Variants in PRPH2 observed in about 807,000 individuals in gnomAD.
PRPH2 encodes the protein peripherin 2.
Under a neutral mutation model 31.3 loss-of-function variants are expected in PRPH2, and 17 were observed. The observed-to-expected ratio is 0.54, with a 90% CI of 0.37 to 0.81. PRPH2 has a LOEUF of 0.81. PRPH2 is among the 40% of genes least tolerant of loss of function. The pLI, the probability that PRPH2 is intolerant of heterozygous loss-of-function variation, is 0.00. For synonymous variants in PRPH2, 165 were observed against 184.4 expected, an observed-to-expected ratio of 0.89 and a Z score of 0.85; for missense variants, 430 against 439.7, an observed-to-expected ratio of 0.98 and a Z score of 0.20.
chr6:42,722,490 CCTGGGATCCCCGTGAA>C lies in PRPH2; in HGVS notation c.-172_-157del. 6.6e-7 allele frequency: 1 copy of C among 1,505,884 alleles called. No homozygotes were observed. Among genetic ancestry groups the C allele is most frequent in the Non-Finnish European group, 8.8e-7 (1 of 1,132,318 alleles). 93.3% of individuals were successfully genotyped at this position (1,505,884 alleles called of 1,614,324 possible). ...GGCTACCCATGTCGAGTCCCACTAG[CCTGGGATCCCCGTGAA>C]TGCAGTAGTGGTGGCAGGGGTCTCG... On this transcript the variant is annotated 5_prime_UTR_variant, in exon 1 of 3. Coordinates refer to ENST00000230381, the MANE Select transcript of PRPH2 (RefSeq NM_000322.5). The surrounding 1 kb of genome is among the most constrained non-coding windows in gnomAD (Gnocchi z 4.4).
intron 1 of PRPH2, among the ~76,000 whole-genome samples, chr6:42,708,581 C>T (rs1354091149): frequency 6.6e-6 from 1 of 152,146 alleles, no homozygotes; most frequent in Non-Finnish European, 1.5e-5. Flanking sequence ...TCCCTTCTTC[C>T]CCCAAGACCT....
intron 1 of PRPH2, among the ~76,000 whole-genome samples, chr6:42,720,762 C>T (rs1054440121): frequency 2.0e-5 from 3 of 152,224 alleles, no homozygotes; most frequent in African/African-American, 7.2e-5. Context: ...CAGGTAGGGT[C>T]GAGTCAGACA....
Position 42,721,936 on chromosome 6 carries a change from C to A in PRPH2, c.399G>T (p.Gly133=), listed in dbSNP as rs762692183. The change falls in exon 1 of 3, where the codon GGG becomes GGT. Residue 133 remains glycine (G), a synonymous_variant. Transcript: ENST00000230381. The stretch of plus-strand genomic sequence containing the variant: ...GGTAGTACTTCATGCCGTTCTTGAG[C>A]CCTTGGCCCAGGGTGTTCTCCAGCG... ...RGSLENTLGQ[G]LKNGMKYYRD... The A allele has an allele frequency of 5.6e-6, 9 of 1,614,030 alleles. No homozygotes were observed. The highest frequency in any genetic ancestry group is 7.6e-6 in the Non-Finnish European group (9 of 1,180,044).
rs1039758581 is a variant in PRPH2 at position 42,698,084 on chromosome 6, A to G, written c.*211T>C. 3.1e-6 allele frequency: 2 copies of G among 641,518 alleles called. No individual in the cohort carries two copies. The highest frequency in any genetic ancestry group is 2.0e-5 in the South Asian group (1 of 51,100). The allele number at this position is 641,518 out of a possible 1,614,324, so 39.7% of individuals were successfully genotyped here. ...AGGGAGCTTCACTCACATTCACATT[A>G]GCTTCATTCACATTTTGGGTCAGTC... On this transcript the variant is annotated 3_prime_UTR_variant, in exon 3 of 3. Transcript: ENST00000230381.
chr6:42,722,324 A>C lies in PRPH2; in HGVS notation c.11T>G (p.Leu4Arg). The C allele has an allele frequency of 6.2e-7, 1 of 1,613,820 alleles. No homozygotes were observed. The highest frequency in any genetic ancestry group is 8.5e-7 in the Non-Finnish European group (1 of 1,180,028). ...CTTCTTCTGGTCAAACTTGACTTTC[A>C]GTAGCGCCATGCTTGCCAAGTGTAG... The part of the protein sequence containing the change: MAL[L>R]KVKFDQKKRV... The change falls in exon 1 of 3, where the codon CTG becomes CGG. Residue 4 changes from leucine (L) to arginine (R), a missense_variant. Coordinates refer to ENST00000230381, the MANE Select transcript of PRPH2 (RefSeq NM_000322.5). This position sits in a 1 kb window ranked among gnomAD's most constrained non-coding sequence, Gnocchi z 4.4.
intron 1 of PRPH2, among the ~76,000 whole-genome samples, chr6:42,712,384 G>C (rs2152007616): frequency 6.6e-6 from 1 of 152,204 alleles, no homozygotes; most frequent in African/African-American, 2.4e-5. Flanking sequence ...GACTATGACT[G>C]GTCTTGTGCT....
rs1311641685 is a variant in PRPH2, at chr6:42,697,687, C to T, written c.*608G>A. The T allele has an allele frequency of 6.6e-6, 1 of 152,434 alleles. No individual in the cohort carries two copies. The highest frequency in any genetic ancestry group is 1.5e-5 in the Non-Finnish European group (1 of 68,292). 9.4% of individuals were successfully genotyped at this position (152,434 alleles called of 1,614,324 possible). A position where few individuals can be genotyped will look rare whatever the true frequency, so the allele number is the denominator to read the frequency against. ...AATCCCCTGCCTTGAAATTCTCTTG[C>T]TCCATGATTAAAGAATCCTGTTTAG... On this transcript the variant is annotated 3_prime_UTR_variant, in exon 3 of 3. Transcript: ENST00000230381.
intron 1 of PRPH2, among the ~76,000 whole-genome samples, chr6:42,706,509 G>A (rs560852495): frequency 4.6e-5 from 7 of 151,874 alleles, no homozygotes; most frequent in East Asian, 1.9e-4. Context: ...GGAGGCTGAG[G>A]CACGAGAATC....
intron 1 of PRPH2, among the ~76,000 whole-genome samples, chr6:42,704,900 G>A (rs1372407063): frequency 1.3e-5 from 2 of 152,196 alleles, no homozygotes; most frequent in South Asian, 2.1e-4. Flanking sequence ...CGCTTTCTTG[G>A]GGCCATGCCT....
Position 42,698,248 on chromosome 6 carries a change from G to A in PRPH2, c.*47C>T. 1 of 1,609,758 alleles carries A rather than the reference G, an allele frequency of 6.2e-7. No homozygotes were observed. The highest frequency in any genetic ancestry group is 1.1e-5 in the South Asian group (1 of 90,868). On this transcript the variant is annotated 3_prime_UTR_variant, in exon 3 of 3. Coordinates refer to ENST00000230381, the MANE Select transcript of PRPH2 (RefSeq NM_000322.5). ...ATGAGGGGGAGATCCACGTTTCTTG[G>A]AGTGCACTATTTCTCAGTGTTCGGG... is the stretch of plus-strand genomic sequence containing the variant.
intron 1 of PRPH2, among the ~76,000 whole-genome samples, chr6:42,712,253 C>A (rs143423572): frequency 2.6e-5 from 4 of 152,242 alleles, no homozygotes; most frequent in East Asian, 3.9e-4. Flanking sequence ...ACCAAACAAC[C>A]AAATGCAAAG....
chr6:42,699,674 C>A (rs1053942789), intron 2 of PRPH2, among the ~76,000 whole-genome samples: 4 of 152,142 alleles, frequency 2.6e-5, no homozygotes, highest in Non-Finnish European at 4.4e-5. Context: ...ATTGCTTGAG[C>A]TCAGGAGTTC....
chr6:42,707,191 C>T (rs1387174938), intron 1 of PRPH2, among the ~76,000 whole-genome samples: 1 of 152,040 alleles, frequency 6.6e-6, no homozygotes, highest in East Asian at 1.9e-4. Flanking sequence ...TGAGCCACTG[C>T]GCTCGGCTGA....
In PRPH2 at chr6:42,704,495, T is replaced by C. The variant is rs1800113326; in HGVS notation, c.698A>G (p.His233Arg). 6.2e-7 allele frequency: 1 copy of C among 1,614,158 alleles called. No homozygotes were observed. Among genetic ancestry groups the C allele is most frequent in the Non-Finnish European group, 8.5e-7 (1 of 1,180,028 alleles). ...CTCCGTCTGGTGGTCGTAACTGTAG[T>C]GTGCTGAGTTGTTGGTGATCTGATA... The part of the protein sequence containing the change: ...IQYQITNNSA[H>R]YSYDHQTEEL... Residue 233 changes from histidine (H) to arginine (R), a missense_variant, in exon 2 of 3, where the codon CAC becomes CGC. Transcript: ENST00000230381.
rs765570129 is a variant in PRPH2, at chr6:42,698,215, G to A, written c.*80C>T. ...CCCTCCTTGGGAGATTCAGACTTTC[G>A]GAGTTGGATGAGGGGGAGATCCACG... On this transcript the variant is annotated 3_prime_UTR_variant, in exon 3 of 3. Transcript: ENST00000230381. 3.1e-5 allele frequency: 49 copies of A among 1,582,924 alleles called. No homozygotes were observed. Among genetic ancestry groups the A allele is most frequent in the Non-Finnish European group, 4.0e-5 (46 of 1,161,526 alleles).
intron 1 of PRPH2, among the ~76,000 whole-genome samples, chr6:42,710,535 T>G (rs1314248124): frequency 2.6e-5 from 4 of 152,156 alleles, no homozygotes; most frequent in Non-Finnish European, 4.4e-5. Flanking sequence ...CTCACCCTCT[T>G]AAGACAAAGC....
intron 1 of PRPH2, among the ~76,000 whole-genome samples, chr6:42,717,038 C>T (rs1219024929): frequency 2.2e-5 from 3 of 133,382 alleles, no homozygotes; most frequent in African/African-American, 8.6e-5. Context: ...AACTCCTGGC[C>T]TCAAGGGATC....
intron 2 of PRPH2, among the ~76,000 whole-genome samples, chr6:42,703,497 CAGAG>C (rs59478912): frequency 0.05 from 7,636 of 152,238 alleles, 582 homozygotes; most frequent in African/African-American, 0.17. Flanking sequence ...CCCCATATAA[CAGAG>C]AGGTTAAATG....
intron 1 of PRPH2, among the ~76,000 whole-genome samples, chr6:42,708,926 C>G (rs1189465085): frequency 6.6e-6 from 1 of 152,176 alleles, no homozygotes; most frequent in African/African-American, 2.4e-5. Context: ...AAAATGTTGT[C>G]CCTCCTTCCG....
Sources: gnomAD v4.1 joint callset for allele counts (sites outside exome capture counted in the v4.1 genomes callset) on GRCh38, gnomAD v4.1.1 for gene constraint, Gnocchi (gnomAD v3.1) non-coding constraint, MANE v1.5 for transcripts, NCBI Gene and HGNC (gene_info 2026-07-23, HGNC 2026-07-21) for gene names.